The following RCAN2 variants were observed in gnomAD, a reference collection of about 807,000 sequenced individuals.
The protein encoded by RCAN2 is calcipressin-2.
A neutral mutation model predicts 23.6 loss-of-function variants in RCAN2; 9 were observed. The observed-to-expected ratio is 0.38, with a 90% CI of 0.23 to 0.67. The LOEUF is 0.67. Among genes scored for constraint, RCAN2 ranks in the 30% least tolerant of loss-of-function variants. The pLI is 0.51. For missense variants in RCAN2, 273 were observed against 302.3 expected, an observed-to-expected ratio of 0.90 and a Z score of 0.72; for synonymous variants, 109 against 115.7, an observed-to-expected ratio of 0.94 and a Z score of 0.37.
intron 2 of RCAN2, among the ~76,000 whole-genome samples, chr6:46,259,921 C>T (rs963960839): frequency 2.2e-4 from 33 of 152,166 alleles, no homozygotes; most frequent in African/African-American, 7.5e-4. Context: ...GCAAGGTATG[C>T]GAGAAGGGGC....
chr6:46,331,611 T>C (rs1214012832), intron 2 of RCAN2, among the ~76,000 whole-genome samples: 1 of 152,178 alleles, frequency 6.6e-6, no homozygotes, highest in East Asian at 1.9e-4. Flanking sequence ...CTGCCTTAGA[T>C]AAGGAGTCAG....
intron 4 of RCAN2, among the ~76,000 whole-genome samples, chr6:46,237,232 C>A (rs1582015588): frequency 6.6e-6 from 1 of 152,298 alleles, no homozygotes; most frequent in South Asian, 2.1e-4. Flanking sequence ...CTGAACCTTG[C>A]CTTGTTTTGT....
chr6:46,411,150 A>T (rs945486907), intron 2 of RCAN2, among the ~76,000 whole-genome samples: 1 of 152,230 alleles, frequency 6.6e-6, no homozygotes, highest in Non-Finnish European at 1.5e-5. Flanking sequence ...GGATAAGCAA[A>T]ATGTGTCATA....
intron 2 of RCAN2, among the ~76,000 whole-genome samples, chr6:46,284,135 G>A (rs1762294419): frequency 6.6e-6 from 1 of 152,120 alleles, no homozygotes; most frequent in Admixed American, 6.6e-5. Flanking sequence ...TTGCCCTAAA[G>A]GATAAAGCGA....
intron 2 of RCAN2, among the ~76,000 whole-genome samples, chr6:46,328,767 C>G (rs746947260): frequency 7.9e-5 from 12 of 152,184 alleles, no homozygotes; most frequent in African/African-American, 2.4e-4. Context: ...CGGGCCACCA[C>G]GCCCAGCTAA....
intron 2 of RCAN2, among the ~76,000 whole-genome samples, chr6:46,392,602 T>C (rs1371616363): frequency 6.6e-6 from 1 of 152,148 alleles, no homozygotes; most frequent in African/African-American, 2.4e-5. Context: ...GGGGGAAGGA[T>C]GGAACTGTAC....
At chr6:46,230,867 C>G (rs1033948378) in intron 4 of RCAN2, among the ~76,000 whole-genome samples, 3 of 152,188 alleles carry the variant, frequency 2.0e-5, no homozygotes, top group African/African-American at 7.2e-5. Flanking sequence ...TAGACTGGAG[C>G]TCTTCCTATC....
intron 2 of RCAN2, among the ~76,000 whole-genome samples, chr6:46,411,612 C>T (rs1561894853): frequency 6.6e-6 from 1 of 151,996 alleles, no homozygotes; most frequent in Non-Finnish European, 1.5e-5. Context: ...AATGAGCCAA[C>T]CAACCAATAA....
At chr6:46,257,911 GA>G (rs1315258831) in intron 2 of RCAN2, among the ~76,000 whole-genome samples, 1 of 152,192 alleles carries the variant, frequency 6.6e-6, no homozygotes, top group Non-Finnish European at 1.5e-5. Context: ...ACAGGAATAA[GA>G]AAACCAGCTT....
chr6:46,274,538 C>T (rs987053721), intron 2 of RCAN2, among the ~76,000 whole-genome samples: 8 of 152,182 alleles, frequency 5.3e-5, no homozygotes, highest in African/African-American at 1.9e-4. Flanking sequence ...GCTCTGCATC[C>T]CCCCGCCCCA....
intron 2 of RCAN2, among the ~76,000 whole-genome samples, chr6:46,348,210 G>A (rs1297513843): frequency 6.6e-6 from 1 of 152,174 alleles, no homozygotes. Context: ...AATAGGCAAT[G>A]AGAGGTTGCT....
At chr6:46,355,956 T>C (rs911957292) in intron 2 of RCAN2, among the ~76,000 whole-genome samples, 1 of 152,216 alleles carries the variant, frequency 6.6e-6, no homozygotes, top group Non-Finnish European at 1.5e-5. Flanking sequence ...CTAACCCAGC[T>C]GGCTGGAGCA....
rs78198715 is a variant in RCAN2 at position 46,256,382 on chromosome 6, T to TAAATAAAATAAAATAAAATA, written c.226-7506_226-7487dup. ...GAGATTCTGTCTCAAAAAAGAAAAA[T>TAAATAAAATAAAATAAAATA]AAATAAAATAAAATAAAATAAAATA... On this transcript the variant is annotated intron_variant, in intron 2 of 4. Coordinates refer to ENST00000371374, the MANE Select transcript of RCAN2 (RefSeq NM_001251974.2). 4.3e-3 allele frequency among the ~76,000 whole-genome samples: 637 copies of TAAATAAAATAAAATAAAATA among 147,888 alleles called. 5 individuals are homozygous for TAAATAAAATAAAATAAAATA. The highest frequency in any genetic ancestry group is 0.013 in the African/African-American group (538 of 40,222).
chr6:46,430,982 G>T (rs1028241594), intron 2 of RCAN2, among the ~76,000 whole-genome samples: 1 of 152,154 alleles, frequency 6.6e-6, no homozygotes, highest in African/African-American at 2.4e-5. Context: ...AGAAGAATAT[G>T]GTTGATGTAA....
chr6:46,305,662 A>C (rs1176144462), intron 2 of RCAN2, among the ~76,000 whole-genome samples: 1 of 152,042 alleles, frequency 6.6e-6, no homozygotes, highest in East Asian at 1.9e-4. Flanking sequence ...AAGTCCAACC[A>C]ATCAGCTACA....
chr6:46,228,218 G>A (rs1765746357), intron 4 of RCAN2, among the ~76,000 whole-genome samples: 1 of 152,216 alleles, frequency 6.6e-6, no homozygotes. Flanking sequence ...TTTAGAATAA[G>A]TGCAATGTGG....
intron 2 of RCAN2, among the ~76,000 whole-genome samples, chr6:46,347,484 C>T (rs1764522125): frequency 6.6e-6 from 1 of 152,178 alleles, no homozygotes; most frequent in South Asian, 2.1e-4. Context: ...TAACTACTCT[C>T]AGGGTTACAC....
chr6:46,320,779 A>T (rs935158697), intron 2 of RCAN2, among the ~76,000 whole-genome samples: 1 of 152,204 alleles, frequency 6.6e-6, no homozygotes, highest in African/African-American at 2.4e-5. Context: ...CATATGAAGA[A>T]TTACTGTGCT....
chr6:46,417,557 G>A lies in RCAN2; in HGVS notation c.225+39195C>T, dbSNP rs189785439. Among the ~76,000 whole-genome samples the A allele has an allele frequency of 3.0e-3, 459 of 152,266 alleles. 3 individuals carry two copies. The highest frequency in any genetic ancestry group is 4.4e-3 in the Admixed American group (68 of 15,298). On this transcript the variant is annotated intron_variant, in intron 2 of 4. Transcript: ENST00000371374. The stretch of plus-strand genomic sequence containing the variant: ...CATTTATGATAACCAAGAACTGCAG[G>A]GAAAGAATCCCTCTATCATTCAGTT...
Sources: gnomAD v4.1 joint callset for allele counts (sites outside exome capture counted in the v4.1 genomes callset) on GRCh38, gnomAD v4.1.1 for gene constraint, MANE v1.5 for transcripts, NCBI Gene and HGNC (gene_info 2026-07-23, HGNC 2026-07-21) for gene names.